Variants in SCAF8 observed in about 807,000 individuals in gnomAD.
The protein encoded by SCAF8 is SR-related CTD associated factor 8.
In SCAF8, 23 loss-of-function variants were observed where a neutral mutation model predicts 140.5. The observed-to-expected ratio is 0.16, with a 90% CI of 0.12 to 0.23. The LOEUF is 0.23. Ranked by LOEUF, SCAF8 falls within the 10% of genes least tolerant of loss-of-function variation. The pLI is 1.00. For missense variants in SCAF8, 1,397 were observed against 1,555.7 expected, an observed-to-expected ratio of 0.90 and a Z score of 1.72; for synonymous variants, 575 against 528.9, an observed-to-expected ratio of 1.09 and a Z score of -1.20.
At chr6:154,783,174 C>T (rs1777133986) in intron 3 of SCAF8, among the ~76,000 whole-genome samples, 1 of 152,182 alleles carries the variant, frequency 6.6e-6, no homozygotes, top group African/African-American at 2.4e-5. Flanking sequence ...AAATCCTCAG[C>T]TCTGTTCCAA....
intron 1 of SCAF8, among the ~76,000 whole-genome samples, chr6:154,756,536 T>TA (rs1778970609): frequency 2.6e-5 from 4 of 152,338 alleles, no homozygotes; most frequent in Middle Eastern, 3.4e-3. Flanking sequence ...TTTGAACTGT[T>TA]AATCAGTTGA....
rs765819926 is a variant in SCAF8, at chr6:154,805,514, G to A, written c.981+28G>A. 1.2e-5 allele frequency: 15 copies of A among 1,282,050 alleles called. No homozygotes were observed. In the Admixed American group the frequency reaches 1.5e-4, roughly 13 times the overall value. The allele number at this position is 1,282,050 out of a possible 1,614,324, so 79.4% of individuals were successfully genotyped here. A position where few individuals can be genotyped will look rare whatever the true frequency, so the allele number is the denominator to read the frequency against. On this transcript the variant is annotated intron_variant, in intron 9 of 19. Transcript: ENST00000367178. ...TTATAACCCCATCTTGTGGTCTTTA[G>A]AGTTATTACTATTTATATTCTATAA...
At chr6:154,784,159 T>TATATATATATATA (rs1777182455) in intron 3 of SCAF8, among the ~76,000 whole-genome samples, 4 of 95,580 alleles carry the variant, frequency 4.2e-5, no homozygotes, top group African/African-American at 7.8e-5. Flanking sequence ...ATATATATAT[T>TATATATATATATA]TATTTATTTA....
In SCAF8 at chr6:154,748,762, T is replaced by G. The variant is rs1224451325; in HGVS notation, c.30+14832T>G. 2.6e-5 allele frequency among the ~76,000 whole-genome samples: 4 copies of G among 152,358 alleles called. No homozygotes were observed. The East Asian group carries it at 7.7e-4, about 29-fold the overall frequency. On this transcript the variant is annotated intron_variant, in intron 1 of 19. Transcript: ENST00000367178. Reference sequence around the variant, plus strand: ...TTCAAGAATGAAAGTTGTGAGCAACTTAGCTGAAGAGTAGTAAAATCCTAA... The same window carrying G: ...TTCAAGAATGAAAGTTGTGAGCAACGTAGCTGAAGAGTAGTAAAATCCTAA...
intron 1 of SCAF8, among the ~76,000 whole-genome samples, chr6:154,752,736 T>G (rs771158418): frequency 3.9e-5 from 6 of 152,186 alleles, no homozygotes; most frequent in Admixed American, 6.5e-5. Flanking sequence ...TTGTTTGTTT[T>G]TTTGAGATGG....
At chr6:154,741,807 C>T (rs776604988) in intron 1 of SCAF8, 8 of 550,614 alleles carry the variant, frequency 1.5e-5, no homozygotes, top group Middle Eastern at 2.9e-4. Context: ...AGGCCAGTTA[C>T]GCTGTTTTGG....
intron 1 of SCAF8, among the ~76,000 whole-genome samples, chr6:154,734,478 T>G (rs1277287397): frequency 6.6e-6 from 1 of 152,164 alleles, no homozygotes; most frequent in Non-Finnish European, 1.5e-5. Context: ...TTGAGCTAAT[T>G]GGATGGTTGG....
Position 154,810,044 on chromosome 6 carries a change from G to T in SCAF8, c.1256G>T (p.Arg419Leu). 6.2e-7 allele frequency: 1 copy of T among 1,609,018 alleles called. No individual in the cohort carries two copies. ...CCAAGAAAACGAAGGTCTAGGTCACGGTCTGGCTCTAGAAAGCGTAAACAC... is the reference window on the plus strand; with the variant it reads ...CCAAGAAAACGAAGGTCTAGGTCACTGTCTGGCTCTAGAAAGCGTAAACAC... ...RSPRKRRSRS[R>L]SGSRKRKHRK... The change falls in exon 12 of 20, where the codon CGG becomes CTG. Residue 419 changes from arginine (R) to leucine (L), a missense_variant. This residue lies in a region of SCAF8 where 339 missense variants were observed against 407.5 expected (regional missense o/e 0.83). Transcript: ENST00000367178.
At chr6:154,785,104 G>T (rs1777212504) in intron 3 of SCAF8, among the ~76,000 whole-genome samples, 1 of 152,104 alleles carries the variant, frequency 6.6e-6, no homozygotes, top group African/African-American at 2.4e-5. Context: ...TAATCCTATG[G>T]TATGTATTCT....
chr6:154,745,696 C>A (rs1778680957), intron 1 of SCAF8, among the ~76,000 whole-genome samples: 1 of 152,074 alleles, frequency 6.6e-6, no homozygotes, highest in Non-Finnish European at 1.5e-5. Context: ...AAATACCTTG[C>A]TACTTGTCAA....
intron 1 of SCAF8, among the ~76,000 whole-genome samples, chr6:154,734,444 C>G (rs1307003351): frequency 6.6e-6 from 1 of 152,160 alleles, no homozygotes; most frequent in Non-Finnish European, 1.5e-5. Context: ...GCATTGTTGA[C>G]TAGGTAATTT....
At chr6:154,773,457 G>A (rs185672666) in intron 1 of SCAF8, among the ~76,000 whole-genome samples, 123 of 152,090 alleles carry the variant, frequency 8.1e-4, no homozygotes, top group African/African-American at 2.6e-3. Context: ...CAGATATTTG[G>A]GTGTCTGCTT....
rs1777884268 is a variant in SCAF8 at position 154,805,395 on chromosome 6, A to G, written c.890A>G (p.Asn297Ser). The G allele has an allele frequency of 6.2e-7, 1 of 1,611,118 alleles. No individual in the cohort carries two copies. The highest frequency in any genetic ancestry group is 1.3e-5 in the African/African-American group (1 of 74,840). The change falls in exon 9 of 20, where the codon AAT (asparagine) becomes AGT (serine). Residue 297 changes from asparagine (N) to serine (S), a missense_variant. Asn to Ser is a conservative substitution (Grantham distance 46). Transcript: ENST00000367178. ...TCTCACGTTTCAGAATCTGTGAACA[A>G]TTCCATTTTTCATCAGATAGCAGAA... ...QLSHVSESVN[N>S]SIFHQIAEQL...
intron 5 of SCAF8, among the ~76,000 whole-genome samples, chr6:154,794,043 T>TC (rs1256328439): frequency 6.6e-6 from 1 of 151,920 alleles, no homozygotes; most frequent in Non-Finnish European, 1.5e-5. Context: ...CATCTCAGCC[T>TC]CCTAAGTAGG....
At chr6:154,816,625 T>G (rs1020486282) in intron 13 of SCAF8, among the ~76,000 whole-genome samples, 2 of 152,340 alleles carry the variant, frequency 1.3e-5, no homozygotes, top group Admixed American at 6.5e-5. Flanking sequence ...ATGAGGAGAC[T>G]TAATTCATCA....
intron 19 of SCAF8, 109 bp downstream of exon 19, chr6:154,831,249 G>A (rs1778722484): frequency 1.5e-6 from 1 of 648,922 alleles, no homozygotes; most frequent in African/African-American, 1.9e-5. Flanking sequence ...ATGCTGAAAT[G>A]TCGCACTTTT....
At chr6:154,761,528 G>A (rs1179331018) in intron 1 of SCAF8, among the ~76,000 whole-genome samples, 4 of 152,130 alleles carry the variant, frequency 2.6e-5, no homozygotes, top group African/African-American at 9.7e-5. Flanking sequence ...AATCATTTTG[G>A]AAGTTTTCAG....
At chr6:154,830,609 A>C (rs1462532461) in intron 18 of SCAF8, among the ~76,000 whole-genome samples, 1 of 152,214 alleles carries the variant, frequency 6.6e-6, no homozygotes, top group African/African-American at 2.4e-5. Context: ...ATGTTTAGAC[A>C]TTCACTTTAT....
chr6:154,811,948 T>C (rs1180847008), intron 12 of SCAF8, among the ~76,000 whole-genome samples: 1 of 152,198 alleles, frequency 6.6e-6, no homozygotes, highest in Non-Finnish European at 1.5e-5. Flanking sequence ...TTGATGGACA[T>C]TTGGATTGGT....
Sources: gnomAD v4.1 joint callset for allele counts (sites outside exome capture counted in the v4.1 genomes callset) on GRCh38, gnomAD v4.1.1 for gene constraint, gnomAD v4.1.1 regional missense constraint, MANE v1.5 for transcripts, NCBI Gene and HGNC (gene_info 2026-07-23, HGNC 2026-07-21) for gene names.